Variants in RAI14 observed in about 807,000 individuals in gnomAD.
RAI14 encodes retinoic acid induced 14.
In RAI14, 45 loss-of-function variants were observed where a neutral mutation model predicts 115.4. The observed-to-expected ratio is 0.39, with a 90% CI of 0.31 to 0.50. RAI14 has a LOEUF of 0.50. Among genes scored for constraint, RAI14 ranks in the 20% least tolerant of loss-of-function variants. RAI14 has a pLI of 0.85. For missense variants in RAI14, 939 were observed against 1,131.2 expected (o/e 0.83, Z 2.44); for synonymous variants, 371 against 415.4 (o/e 0.89, Z 1.30).
intron 3 of RAI14, among the ~76,000 whole-genome samples, chr5:34,761,723 CTT>C (rs1748676704): frequency 6.6e-6 from 1 of 152,216 alleles, no homozygotes; most frequent in Non-Finnish European, 1.5e-5. Flanking sequence ...CCCTGGTTCT[CTT>C]CCGCCTTTTT....
intron 16 of RAI14, among the ~76,000 whole-genome samples, chr5:34,829,291 G>T (rs1407547375): frequency 6.6e-6 from 1 of 151,906 alleles, no homozygotes; most frequent in Non-Finnish European, 1.5e-5. Flanking sequence ...AGGTTCAAGC[G>T]ATTCTCTTGC....
Position 34,830,551 on chromosome 5 carries a change from G to A in RAI14, c.2866-137G>A. ...AGTTCCTCATAGAAATTTGGGAAATGATAGGGCTGACATTCCTGTGAAAGA... is the reference window on the plus strand; with the variant it reads ...AGTTCCTCATAGAAATTTGGGAAATAATAGGGCTGACATTCCTGTGAAAGA... On this transcript the variant is annotated intron_variant, in intron 17 of 17. Transcript: ENST00000265109. The A allele has an allele frequency of 2.1e-6, 3 of 1,437,788 alleles. No individual in the cohort carries two copies. In the South Asian group the frequency reaches 4.3e-5, roughly 20 times the overall value. 89.1% of individuals were successfully genotyped at this position (1,437,788 alleles called of 1,614,324 possible). A position where few individuals can be genotyped will look rare whatever the true frequency, so the allele number is the denominator to read the frequency against.
chr5:34,725,258 A>C (rs1743299104), intron 2 of RAI14, among the ~76,000 whole-genome samples: 2 of 152,154 alleles, frequency 1.3e-5, no homozygotes. Context: ...TATGACCATT[A>C]TGAAGCATTA....
At position 34,775,181 on chromosome 5, in the gene RAI14, ACT is replaced by A. The variant is rs377176238; in HGVS notation, c.167+17586_167+17587del. 2.3e-3 allele frequency among the ~76,000 whole-genome samples: 348 copies of A among 152,318 alleles called. 1 individual carries two copies. Among genetic ancestry groups the A allele is most frequent in the African/African-American group, 8.0e-3 (331 of 41,552 alleles). ...ACTACTATAAGAAAACATCGAGGAA[ACT>A]CTGTAGGGCGTTGGGTTGGGCAAAG... On this transcript the variant is annotated intron_variant, in intron 3 of 17. Coordinates refer to ENST00000265109, the MANE Select transcript of RAI14 (RefSeq NM_015577.3).
At chr5:34,761,728 G>A (rs955825835) in intron 3 of RAI14, among the ~76,000 whole-genome samples, 10 of 152,074 alleles carry the variant, frequency 6.6e-5, no homozygotes, top group Non-Finnish European at 1.0e-4. Context: ...GTTCTCTTCC[G>A]CCTTTTTGAC....
intron 3 of RAI14, among the ~76,000 whole-genome samples, chr5:34,777,787 A>G (rs1451045173): frequency 6.6e-6 from 1 of 152,192 alleles, no homozygotes; most frequent in East Asian, 1.9e-4. Flanking sequence ...TCAAAAAAAC[A>G]AAACAAAACA....
chr5:34,708,323 C>T (rs759251906), intron 2 of RAI14, among the ~76,000 whole-genome samples: 11 of 152,064 alleles, frequency 7.2e-5, no homozygotes, highest in Non-Finnish European at 1.5e-4. Flanking sequence ...CTGCCGTAGC[C>T]TCCCGAGTAG....
At chr5:34,811,707 T>G in intron 8 of RAI14, 60 bp from the exon 9 acceptor site, 4 of 1,434,406 alleles carry the variant, frequency 2.8e-6, no homozygotes, top group Non-Finnish European at 3.8e-6. Context: ...ACAACTGATT[T>G]CCCAAGAAAG....
At chr5:34,707,017 T>C (rs938958187) in intron 2 of RAI14, among the ~76,000 whole-genome samples, 1 of 152,206 alleles carries the variant, frequency 6.6e-6, no homozygotes, top group Non-Finnish European at 1.5e-5. Context: ...AGACGTCAGC[T>C]CAACATTTTA....
intron 1 of RAI14, among the ~76,000 whole-genome samples, chr5:34,665,179 A>ATG (rs1743089962): frequency 5.7e-5 from 1 of 17,674 alleles, no homozygotes; most frequent in African/African-American, 2.1e-4. Flanking sequence ...ATATACACAC[A>ATG]TATATATATG....
chr5:34,704,333 C>T (rs530313212), intron 2 of RAI14, among the ~76,000 whole-genome samples: 25 of 152,214 alleles, frequency 1.6e-4, no homozygotes, highest in Non-Finnish European at 2.9e-4. Context: ...CACTTCCGTC[C>T]GGGTACTTTG....
chr5:34,696,095 C>T (rs867995690), intron 2 of RAI14, among the ~76,000 whole-genome samples: 15 of 152,086 alleles, frequency 9.9e-5, no homozygotes, highest in African/African-American at 2.7e-4. Context: ...TCTAGGATTA[C>T]GGGAGTGAGC....
chr5:34,667,960 T>C (rs902448402), intron 1 of RAI14, among the ~76,000 whole-genome samples: 1 of 152,184 alleles, frequency 6.6e-6, no homozygotes, highest in Non-Finnish European at 1.5e-5. Flanking sequence ...GATTGATCCT[T>C]TTTCAAAAAT....
chr5:34,722,905 A>G (rs1314502203), intron 2 of RAI14, among the ~76,000 whole-genome samples: 1 of 152,098 alleles, frequency 6.6e-6, no homozygotes, highest in Non-Finnish European at 1.5e-5. Context: ...CCCCGTTTCT[A>G]CTAAAAATAC....
chr5:34,771,807 C>A (rs890841984), intron 3 of RAI14, among the ~76,000 whole-genome samples: 3 of 152,138 alleles, frequency 2.0e-5, no homozygotes, highest in African/African-American at 7.2e-5. Flanking sequence ...ACACTGTTTG[C>A]TTTTTTGCCA....
Position 34,656,438 on chromosome 5 carries a change from C to A in RAI14, c.-86C>A, listed in dbSNP as rs1357191031. 6.6e-6 allele frequency: 1 copy of A among 152,282 alleles called. No homozygotes were observed. Among genetic ancestry groups the A allele is most frequent in the Non-Finnish European group, 1.5e-5 (1 of 68,164 alleles). 9.4% of individuals were successfully genotyped at this position (152,282 alleles called of 1,614,324 possible). ...GAAGCGGCGGGCGGGGTGGAGCAGC[C>A]AGCTGGGTCCGGGGAGCGCCGCCGC... On this transcript the variant is annotated 5_prime_UTR_variant, in exon 1 of 18. Coordinates refer to ENST00000265109, the MANE Select transcript of RAI14 (RefSeq NM_015577.3).
At chr5:34,712,013 G>C (rs1339179138) in intron 2 of RAI14, among the ~76,000 whole-genome samples, 1 of 152,058 alleles carries the variant, frequency 6.6e-6, no homozygotes, top group East Asian at 1.9e-4. Flanking sequence ...ATCTTGTTAA[G>C]TCAGTGGAAC....
At chr5:34,821,108 C>G (rs772601387) in intron 13 of RAI14, among the ~76,000 whole-genome samples, 1 of 152,088 alleles carries the variant, frequency 6.6e-6, no homozygotes, top group Non-Finnish European at 1.5e-5. Context: ...TAGACTGGAG[C>G]CAAATCATAG....
intron 1 of RAI14, among the ~76,000 whole-genome samples, chr5:34,672,965 C>G (rs534938442): frequency 2.0e-5 from 3 of 152,096 alleles, no homozygotes; most frequent in Non-Finnish European, 2.9e-5. Context: ...TGTTTCCCTC[C>G]TTTGTACTCC....
Sources: gnomAD v4.1 joint callset for allele counts (sites outside exome capture counted in the v4.1 genomes callset) on GRCh38, gnomAD v4.1.1 for gene constraint, MANE v1.5 for transcripts, NCBI Gene and HGNC (gene_info 2026-07-23, HGNC 2026-07-21) for gene names.